Variants in EFHC2 observed in about 807,000 individuals in gnomAD.
EFHC2 encodes the protein EF-hand domain-containing family member C2.
A neutral mutation model predicts 52.7 loss-of-function variants in EFHC2; 18 were observed. That is an observed-to-expected ratio of 0.34 (90% CI 0.24 to 0.51). The LOEUF (loss-of-function observed/expected upper bound fraction) is 0.51, where lower values mean the gene tolerates loss of function less well. Among genes scored for constraint, EFHC2 ranks in the 20% least tolerant of loss-of-function variants. EFHC2 has a pLI of 0.97. For missense variants in EFHC2, 513 were observed against 562.5 expected (o/e 0.91, Z 0.89); for synonymous variants, 203 against 204.1 (o/e 0.99, Z 0.04).
intron 14 of EFHC2, among the ~76,000 whole-genome samples, chrX:44,152,289 GA>G (rs1413345591): frequency 2.7e-5 from 3 of 111,442 alleles, no homozygotes; most frequent in Non-Finnish European, 5.6e-5. Context: ...CTGAGACACA[GA>G]AGGATTAAAT....
chrX:44,325,102 A>G (rs1394288998), intron 1 of EFHC2, among the ~76,000 whole-genome samples: 1 of 111,499 alleles, frequency 9.0e-6, no homozygotes, highest in Non-Finnish European at 1.9e-5. Flanking sequence ...GCACTATTAG[A>G]GTATTAGCTT....
intron 11 of EFHC2, among the ~76,000 whole-genome samples, chrX:44,222,505 T>A (rs1454731733): frequency 1.8e-5 from 2 of 112,122 alleles, no homozygotes; most frequent in African/African-American, 6.5e-5. Flanking sequence ...TTTAAGGCAA[T>A]GGAAACTCAG....
intron 12 of EFHC2, 73 bp downstream of exon 12, chrX:44,178,294 T>C (rs2036805771): frequency 8.9e-6 from 9 of 1,009,517 alleles, no homozygotes; most frequent in Non-Finnish European, 1.2e-5. Flanking sequence ...CACTTTTTGA[T>C]AAAATAGAAA....
intron 2 of EFHC2, among the ~76,000 whole-genome samples, chrX:44,302,378 G>GAAGA (rs936227036): frequency 8.9e-6 from 1 of 111,948 alleles, no homozygotes; most frequent in African/African-American, 3.2e-5. Flanking sequence ...AAGAGGGAAG[G>GAAGA]AAGAACTCTC....
At chrX:44,341,879 A>G (rs1177519874) in intron 1 of EFHC2, among the ~76,000 whole-genome samples, 2 of 112,727 alleles carry the variant, frequency 1.8e-5, no homozygotes, top group Admixed American at 9.4e-5. Context: ...AGATTTATTA[A>G]TATTTCATCC....
At chrX:44,180,582 T>C (rs982283594) in intron 11 of EFHC2, among the ~76,000 whole-genome samples, 1 of 109,774 alleles carries the variant, frequency 9.1e-6, no homozygotes, top group African/African-American at 3.3e-5. Context: ...CTACTAAAAA[T>C]ACAAAAATTA....
At chrX:44,335,866 A>G (rs1385575764) in intron 1 of EFHC2, among the ~76,000 whole-genome samples, 1 of 111,907 alleles carries the variant, frequency 8.9e-6, no homozygotes, top group Non-Finnish European at 1.9e-5. Context: ...CCATACATTC[A>G]ATAATAGACT....
chrX:44,232,553 C>A lies in EFHC2; in HGVS notation c.1548G>T (p.Val516=). 8.4e-7 allele frequency: 1 copy of A among 1,186,988 alleles called. No individual in the cohort carries two copies. Among genetic ancestry groups the A allele is most frequent in the African/African-American group, 1.7e-5 (1 of 57,347 alleles). ...TGAGCAAACGAAATAGGTAACCATTCACATTCACCGTGACTCCAATGTACA... is the reference window on the plus strand; with the variant it reads ...TGAGCAAACGAAATAGGTAACCATTAACATTCACCGTGACTCCAATGTACA... ...EELYIGVTVN[V]NGYLFRLLNA... The change falls in exon 10 of 15, where the codon GTG becomes GTT. Residue 516 remains valine, a synonymous_variant. Transcript: ENST00000420999.
Position 44,235,417 on chromosome X carries a change from A to C in EFHC2, c.1311T>G (p.Phe437Leu), listed in dbSNP as rs2037311485. The C allele has an allele frequency of 8.4e-7, 1 of 1,195,584 alleles. No individual in the cohort carries two copies. Among genetic ancestry groups the C allele is most frequent in the Non-Finnish European group, 1.1e-6 (1 of 887,866 alleles). Residue 437 changes from phenylalanine to leucine, a missense_variant, in exon 9 of 15, where the codon TTT becomes TTG. Phe to Leu is a conservative substitution (Grantham distance 22). Transcript: ENST00000420999. Reference protein sequence around the residue: ...SYGSKSNILRFFAKLVTDKCV... With the variant: ...SYGSKSNILRLFAKLVTDKCV... ...ATTTGTCTGTGACTAGTTTTGCAAA[A>C]AAACGGAGTATATTGCTTTTGGAGC...
At chrX:44,159,393 T>G (rs762186430) in intron 14 of EFHC2, among the ~76,000 whole-genome samples, 1 of 111,860 alleles carries the variant, frequency 8.9e-6, no homozygotes, top group African/African-American at 3.2e-5. Context: ...CTATTCAACA[T>G]TGTGCTCAAC....
intron 11 of EFHC2, among the ~76,000 whole-genome samples, chrX:44,212,958 G>A (rs1439493111): frequency 4.6e-5 from 5 of 108,556 alleles, no homozygotes; most frequent in Non-Finnish European, 7.6e-5. Flanking sequence ...CAAGGGATCC[G>A]CCCACCATGG....
rs1181062 is a variant in EFHC2, at chrX:44,168,982, C to A, written c.2043-4955G>T. ...AAAGACAGAAGCCAAAACAGCAACA[C>A]AAAAAAAAACAAAAAACAAAAGGAA... On this transcript the variant is annotated intron_variant, in intron 13 of 14. Transcript: ENST00000420999. 3.8e-3 allele frequency among the ~76,000 whole-genome samples: 413 copies of A among 107,919 alleles called. 1 individual carries two copies. Among genetic ancestry groups the A allele is most frequent in the African/African-American group, 0.012 (355 of 29,656 alleles). The allele number at this position is 107,919 out of a possible 115,157, so 93.7% of individuals were successfully genotyped here. A position where few individuals can be genotyped will look rare whatever the true frequency, so the allele number is the denominator to read the frequency against.
At position 44,278,193 on chromosome X, in the gene EFHC2, G is replaced by A. The variant is rs1032391103; in HGVS notation, c.232-5357C>T. On this transcript the variant is annotated intron_variant, in intron 2 of 14. Transcript: ENST00000420999. ...AGTTGGAGACCAGCCTGGCCAACAT[G>A]GCAAAACCCAATCTCTACTAAAAAC... is the stretch of plus-strand genomic sequence containing the variant. 3.1e-4 allele frequency among the ~76,000 whole-genome samples: 35 copies of A among 111,962 alleles called. 1 individual carries two copies. Among genetic ancestry groups the A allele is most frequent in the Admixed American group, 2.0e-3 (21 of 10,561 alleles).
chrX:44,171,740 G>A (rs952169920), intron 13 of EFHC2, among the ~76,000 whole-genome samples: 6 of 111,845 alleles, frequency 5.4e-5, no homozygotes, highest in African/African-American at 2.0e-4. Flanking sequence ...TATGGTTTGG[G>A]ATTTAAAAGA....
At chrX:44,267,733 G>A (rs1461970512) in intron 3 of EFHC2, among the ~76,000 whole-genome samples, 1 of 111,098 alleles carries the variant, frequency 9.0e-6, no homozygotes. Context: ...CCAGATGCAT[G>A]GAAAGCAAGC....
chrX:44,270,595 G>A (rs2037610543), intron 3 of EFHC2, among the ~76,000 whole-genome samples: 1 of 111,693 alleles, frequency 9.0e-6, no homozygotes, highest in African/African-American at 3.3e-5. Flanking sequence ...TTTTCAGTAG[G>A]TCGTAAATAT....
At chrX:44,209,639 A>G (rs776128614) in intron 11 of EFHC2, among the ~76,000 whole-genome samples, 67 of 109,221 alleles carry the variant, frequency 6.1e-4, no homozygotes, top group African/African-American at 2.0e-3. Flanking sequence ...ATACCCTAAA[A>G]ACTATAAAGT....
intron 3 of EFHC2, among the ~76,000 whole-genome samples, chrX:44,268,709 A>G (rs1239818695): frequency 2.7e-5 from 3 of 112,163 alleles, no homozygotes; most frequent in African/African-American, 9.7e-5. Flanking sequence ...GATGTCCACA[A>G]AAATTATAAA....
chrX:44,193,702 G>A (rs1331407557), intron 11 of EFHC2, among the ~76,000 whole-genome samples: 7 of 111,574 alleles, frequency 6.3e-5, no homozygotes, highest in Admixed American at 9.5e-5. Flanking sequence ...GTATGTGTCC[G>A]TGTGTGTAGA....
Sources: gnomAD v4.1 joint callset for allele counts (sites outside exome capture counted in the v4.1 genomes callset) on GRCh38, gnomAD v4.1.1 for gene constraint, MANE v1.5 for transcripts, NCBI Gene and HGNC (gene_info 2026-07-23, HGNC 2026-07-21) for gene names.